Variants in CSNK1G2 observed in about 807,000 individuals in gnomAD.
The protein encoded by CSNK1G2 is casein kinase I isoform gamma-2.
In CSNK1G2, 11 loss-of-function variants were observed where a neutral mutation model predicts 48.0. The observed-to-expected ratio is 0.23, with a 90% CI of 0.14 to 0.38. The LOEUF (loss-of-function observed/expected upper bound fraction) is 0.38. Among genes scored for constraint, CSNK1G2 ranks in the 10% least tolerant of loss-of-function variants. CSNK1G2 has a pLI of 1.00. For synonymous variants in CSNK1G2, 337 were observed against 254.1 expected (o/e 1.33, Z -3.10); for missense variants, 446 against 595.5 (o/e 0.75, Z 2.61).
rs1466436131 is a variant in CSNK1G2, at chr19:1,943,942, C to T, written c.-266+2524C>T. Among the ~76,000 whole-genome samples the T allele has an allele frequency of 2.6e-5, 4 of 152,310 alleles. 1 individual carries two copies. In the South Asian group the frequency reaches 8.3e-4, roughly 32 times the overall value. On this transcript the variant is annotated intron_variant, in intron 1 of 11. Transcript: ENST00000255641. ...TGCTGTTGGGGCCGAGTGCCGGGCACAGCCTGGCAGGGGCTGCGGGCCTCG... is the reference window on the plus strand; with the variant it reads ...TGCTGTTGGGGCCGAGTGCCGGGCATAGCCTGGCAGGGGCTGCGGGCCTCG...
intron 1 of CSNK1G2, among the ~76,000 whole-genome samples, chr19:1,958,455 TCTCCCCTGTC>T (rs2015073219): frequency 1.2e-5 from 1 of 82,886 alleles, no homozygotes; most frequent in Non-Finnish European, 2.4e-5. Flanking sequence ...TGTCCCCCCA[TCTCCCCTGTC>T]CCCCCCATCT....
rs779387767 is a variant in CSNK1G2, at chr19:1,950,787, G to T, written c.-266+9369G>T. 1.4e-4 allele frequency among the ~76,000 whole-genome samples: 20 copies of T among 146,520 alleles called. 1 individual carries two copies. Among genetic ancestry groups the T allele is most frequent in the Non-Finnish European group, 2.5e-4 (17 of 67,164 alleles). On this transcript the variant is annotated intron_variant, in intron 1 of 11. Coordinates refer to ENST00000255641, the MANE Select transcript of CSNK1G2 (RefSeq NM_001319.7). ...AGTGTCAGGTGGGGACCTGGCCGCT[G>T]GAAGGGAGGTGTCACCTGCTCTGGG...
At chr19:1,945,089 G>T (rs927927843) in intron 1 of CSNK1G2, among the ~76,000 whole-genome samples, 3 of 152,236 alleles carry the variant, frequency 2.0e-5, no homozygotes, top group African/African-American at 7.2e-5. Flanking sequence ...GCCCTGCTGG[G>T]TTCTGAGTCC....
intron 1 of CSNK1G2, among the ~76,000 whole-genome samples, chr19:1,966,263 G>A (rs148180204): frequency 5.9e-5 from 9 of 152,332 alleles, no homozygotes; most frequent in African/African-American, 2.2e-4. Context: ...CATGGGAGGA[G>A]GTAACATGTC....
intron 2 of CSNK1G2, among the ~76,000 whole-genome samples, chr19:1,970,191 A>G (rs1460777474): frequency 6.6e-6 from 1 of 152,170 alleles, no homozygotes; most frequent in Non-Finnish European, 1.5e-5. Context: ...TTCGGGAAAC[A>G]GTTCTGTTGG....
chr19:1,973,297 C>T (rs1246540598), intron 2 of CSNK1G2, among the ~76,000 whole-genome samples: 5 of 152,130 alleles, frequency 3.3e-5, no homozygotes, highest in Non-Finnish European at 7.3e-5. Flanking sequence ...GATCTCGGCT[C>T]ACTGCAACCT....
At chr19:1,976,522 G>A (rs556532561) in intron 2 of CSNK1G2, among the ~76,000 whole-genome samples, 1 of 152,368 alleles carries the variant, frequency 6.6e-6, no homozygotes, top group East Asian at 1.9e-4. Context: ...GTGCTGCAAG[G>A]CACGCCCAGG....
intron 1 of CSNK1G2, among the ~76,000 whole-genome samples, chr19:1,958,095 C>A (rs1443639483): frequency 6.6e-6 from 1 of 152,080 alleles, no homozygotes; most frequent in Non-Finnish European, 1.5e-5. Flanking sequence ...GAGTAAGGGG[C>A]CCCTCCCGAG....
At chr19:1,943,297 C>T (rs1599274107) in intron 1 of CSNK1G2, among the ~76,000 whole-genome samples, 2 of 152,260 alleles carry the variant, frequency 1.3e-5, no homozygotes, top group East Asian at 1.9e-4. Context: ...TTGAACCTGT[C>T]TAGTTCCTCT....
chr19:1,942,105 G>A (rs2014388873), intron 1 of CSNK1G2, among the ~76,000 whole-genome samples: 1 of 152,138 alleles, frequency 6.6e-6, no homozygotes, highest in Admixed American at 6.6e-5. Flanking sequence ...ACCTGTTGCG[G>A]CACTGCCTGG....
At chr19:1,948,197 C>CTGGCCAGA (rs2014634132) in intron 1 of CSNK1G2, among the ~76,000 whole-genome samples, 1 of 152,222 alleles carries the variant, frequency 6.6e-6, no homozygotes, top group Non-Finnish European at 1.5e-5. Flanking sequence ...CCCCAGGGTG[C>CTGGCCAGA]TGGCCAGAGC....
Position 1,978,401 on chromosome 19 carries a change from C to G in CSNK1G2, c.229-41C>G. 1.9e-6 allele frequency: 3 copies of G among 1,611,696 alleles called. No homozygotes were observed. Among genetic ancestry groups the G allele is most frequent in the Non-Finnish European group, 2.5e-6 (3 of 1,178,950 alleles). On this transcript the variant is annotated intron_variant, in intron 3 of 11. Transcript: ENST00000255641. This position sits in a 1 kb window ranked among gnomAD's most constrained non-coding sequence, Gnocchi z 7.3. ...GACGTGCCCCCCAGGGATTTCAGGGCAGCGACCCGGTCCCCTGGTGACTCG... is the reference window on the plus strand; with the variant it reads ...GACGTGCCCCCCAGGGATTTCAGGGGAGCGACCCGGTCCCCTGGTGACTCG...
intron 1 of CSNK1G2, among the ~76,000 whole-genome samples, chr19:1,955,310 G>A (rs888355880): frequency 6.6e-6 from 1 of 152,082 alleles, no homozygotes; most frequent in Non-Finnish European, 1.5e-5. Flanking sequence ...TGCTGCTGCT[G>A]CTGCTGCTGC....
chr19:1,961,021 G>T (rs1357512119), intron 1 of CSNK1G2, among the ~76,000 whole-genome samples: 1 of 152,218 alleles, frequency 6.6e-6, no homozygotes, highest in African/African-American at 2.4e-5. Context: ...GGCGGGGCGT[G>T]GGCAGAGGAG....
intron 1 of CSNK1G2, among the ~76,000 whole-genome samples, chr19:1,951,989 T>C (rs2014780851): frequency 6.6e-6 from 1 of 152,134 alleles, no homozygotes; most frequent in African/African-American, 2.4e-5. Flanking sequence ...CATTCTCTGC[T>C]GTTTTCTGAC....
intron 2 of CSNK1G2, among the ~76,000 whole-genome samples, chr19:1,976,651 A>G (rs1009016242): frequency 6.6e-6 from 1 of 152,034 alleles, no homozygotes; most frequent in Non-Finnish European, 1.5e-5. Context: ...AATCCACCTT[A>G]GCAGGGTTTC....
rs1038427082 is a variant in CSNK1G2 at position 1,964,277 on chromosome 19, A to C, written c.-265-5231A>C. On this transcript the variant is annotated intron_variant, in intron 1 of 11. Transcript: ENST00000255641. ...CATGGCACTCCTGCCTGGGTGACAG[A>C]GTGAGACCCTGTGTTAAAAAAAAAA... Among the ~76,000 whole-genome samples, 7 of 148,718 alleles carry C rather than the reference A, an allele frequency of 4.7e-5. No individual in the cohort carries two copies. In the South Asian group the frequency reaches 1.5e-3, roughly 31 times the overall value.
In CSNK1G2 at chr19:1,957,122, G is replaced by A. The variant is rs377380982; in HGVS notation, c.-265-12386G>A. Among the ~76,000 whole-genome samples, 9 of 152,254 alleles carry A rather than the reference G, an allele frequency of 5.9e-5. No individual in the cohort carries two copies. The highest frequency in any genetic ancestry group is 1.3e-4 in the Non-Finnish European group (9 of 68,008). On this transcript the variant is annotated intron_variant, in intron 1 of 11. Coordinates refer to ENST00000255641, the MANE Select transcript of CSNK1G2 (RefSeq NM_001319.7). This position sits in a 1 kb window ranked among gnomAD's most constrained non-coding sequence, Gnocchi z 5.4. ...GCGGGATTGGGCCTCTGGGGTCCCC[G>A]GCTGTGGAGAGGGCAAGGCAGGGGC...
intron 1 of CSNK1G2, chr19:1,953,966 GC>G (rs143691008): frequency 0.012 from 6,143 of 533,884 alleles, 62 homozygotes; most frequent in Middle Eastern, 0.029. Context: ...CATGGACGGG[GC>G]CTTCTCGTGG....
Sources: allele counts gnomAD v4.1 joint callset (sites outside exome capture counted in the v4.1 genomes callset), GRCh38; gene constraint gnomAD v4.1.1; non-coding constraint Gnocchi (gnomAD v3.1); transcripts MANE v1.5; gene names NCBI Gene and HGNC (gene_info 2026-07-23, HGNC 2026-07-21).